The following USP47 variants were observed in gnomAD, a reference collection of about 807,000 sequenced individuals.
USP47 encodes ubiquitin specific peptidase 47.
Under a neutral mutation model 165.1 loss-of-function variants are expected in USP47, and 35 were observed. The observed-to-expected ratio is 0.21, with a 90% CI of 0.16 to 0.28. USP47 has a LOEUF of 0.28. Ranked by LOEUF, USP47 falls within the 10% of genes least tolerant of loss-of-function variation. USP47 has a pLI of 1.00. For missense variants in USP47, 1,277 were observed against 1,607.4 expected, an observed-to-expected ratio of 0.79 and a Z score of 3.52; for synonymous variants, 531 against 544.5, an observed-to-expected ratio of 0.98 and a Z score of 0.35.
chr11:11,917,886 A>C (rs1334008247), intron 8 of USP47, among the ~76,000 whole-genome samples: 1 of 152,180 alleles, frequency 6.6e-6, no homozygotes, highest in East Asian at 1.9e-4. Context: ...AAAGATTTTC[A>C]AGTTGGTTCA....
Position 11,920,200 on chromosome 11 carries a change from C to A in USP47, c.1014C>A (p.Gly338=). 1.9e-6 allele frequency: 3 copies of A among 1,608,826 alleles called. No individual in the cohort carries two copies. The highest frequency in any genetic ancestry group is 2.5e-6 in the Non-Finnish European group (3 of 1,177,204). ...HAFIQPEILD[G]PNQYFCERCK... Reference sequence around the variant, plus strand: ...TTATTCAGCCAGAGATTCTGGATGGCCCAAATCAGTATTTTTGTGAACGTT... The same window carrying A: ...TTATTCAGCCAGAGATTCTGGATGGACCAAATCAGTATTTTTGTGAACGTT... The change falls in exon 9 of 28, where the codon GGC becomes GGA. Residue 338 remains glycine (G), a synonymous_variant. Coordinates refer to ENST00000527733, the MANE Select transcript of USP47 (RefSeq NM_001282659.2).
At chr11:11,909,164 A>T (rs773097305) in intron 8 of USP47, among the ~76,000 whole-genome samples, 4 of 152,124 alleles carry the variant, frequency 2.6e-5, no homozygotes, top group Non-Finnish European at 5.9e-5. Flanking sequence ...TGTCCTTGGG[A>T]TGTTGAGAGG....
chr11:11,884,081 A>G (rs1402008579), intron 2 of USP47, among the ~76,000 whole-genome samples: 1 of 152,174 alleles, frequency 6.6e-6, no homozygotes, highest in Non-Finnish European at 1.5e-5. Context: ...GTTTTTAGTT[A>G]TGTAAAATTA....
intron 1 of USP47, among the ~76,000 whole-genome samples, chr11:11,861,550 TTGAG>T (rs956415431): frequency 1.2e-4 from 18 of 152,204 alleles, no homozygotes; most frequent in Admixed American, 3.3e-4. Context: ...TATTAATTGA[TTGAG>T]TACTTGATGT....
chr11:11,935,708 G>A (rs183482656), intron 16 of USP47, among the ~76,000 whole-genome samples: 1 of 151,860 alleles, frequency 6.6e-6, no homozygotes, highest in Non-Finnish European at 1.5e-5. Flanking sequence ...TGCAACCAGG[G>A]TATGTCATCT....
chr11:11,880,708 A>G (rs1057437571), intron 2 of USP47, among the ~76,000 whole-genome samples: 2 of 152,162 alleles, frequency 1.3e-5, no homozygotes, highest in African/African-American at 4.8e-5. Context: ...TATTCCGTGA[A>G]AAAAGATTGT....
At chr11:11,912,317 G>C (rs998257082) in intron 8 of USP47, among the ~76,000 whole-genome samples, 2 of 151,896 alleles carry the variant, frequency 1.3e-5, no homozygotes, top group African/African-American at 4.8e-5. Context: ...TTGACAAATA[G>C]CAAGACTGAC....
intron 22 of USP47, chr11:11,948,764 C>A: frequency 2.2e-6 from 1 of 457,628 alleles, no homozygotes; most frequent in Non-Finnish European, 3.9e-6. Context: ...CAATAATAAG[C>A]CAATGAGATG....
At chr11:11,889,489 T>G (rs1851375788) in intron 3 of USP47, among the ~76,000 whole-genome samples, 1 of 152,014 alleles carries the variant, frequency 6.6e-6, no homozygotes. Flanking sequence ...TACCCAGGAA[T>G]ACAGCTAACA....
At chr11:11,915,209 C>T (rs556451947) in intron 8 of USP47, among the ~76,000 whole-genome samples, 4 of 152,118 alleles carry the variant, frequency 2.6e-5, no homozygotes, top group African/African-American at 9.6e-5. Flanking sequence ...GGAATTATTC[C>T]GAGTGAAAAA....
At chr11:11,946,909 A>G (rs962286825) in intron 20 of USP47, among the ~76,000 whole-genome samples, 4 of 152,176 alleles carry the variant, frequency 2.6e-5, no homozygotes, top group African/African-American at 9.6e-5. Flanking sequence ...AATTTATTTG[A>G]CAAGTCATCT....
At chr11:11,953,114 T>C (rs1382804499) in intron 25 of USP47, among the ~76,000 whole-genome samples, 1 of 152,172 alleles carries the variant, frequency 6.6e-6, no homozygotes, top group Non-Finnish European at 1.5e-5. Flanking sequence ...CATTCAGAAG[T>C]GGATCCTCAC....
chr11:11,949,852 T>C (rs1176162273), intron 22 of USP47, 37 bp from the exon 23 acceptor site: 3 of 1,390,292 alleles, frequency 2.2e-6, no homozygotes, highest in African/African-American at 1.4e-5. Context: ...ACTTAAGGTA[T>C]AATTCAAGCT....
chr11:11,876,757 C>T (rs907913991), intron 1 of USP47, among the ~76,000 whole-genome samples: 16 of 152,186 alleles, frequency 1.1e-4, no homozygotes, highest in Non-Finnish European at 2.4e-4. Context: ...GGATTTCTTA[C>T]ATGGTGGCTG....
chr11:11,871,518 AAAAAAAAAAAAAAAAAAAAAG>A (rs1269202466), intron 1 of USP47, among the ~76,000 whole-genome samples: 1 of 82,674 alleles, frequency 1.2e-5, no homozygotes, highest in Non-Finnish European at 2.6e-5. Flanking sequence ...AAAAAAAAAA[AAAAAAAAAAAAAAAAAAAAAG>A]AATTCTGGTT....
intron 3 of USP47, 134 bp from the exon 4 acceptor site, chr11:11,891,834 T>A: frequency 2.7e-6 from 3 of 1,113,124 alleles, no homozygotes; most frequent in Non-Finnish European, 3.7e-6. Context: ...AGTAACACTT[T>A]GGAAGGGGGC....
chr11:11,877,786 TC>T (rs1850535360), intron 1 of USP47, among the ~76,000 whole-genome samples: 5 of 130,112 alleles, frequency 3.8e-5, no homozygotes, highest in African/African-American at 1.6e-4. Context: ...TCTCTCTCTC[TC>T]TTTCTCTCTC....
intron 11 of USP47, among the ~76,000 whole-genome samples, chr11:11,928,591 T>G (rs1288307012): frequency 6.6e-6 from 1 of 152,076 alleles, no homozygotes; most frequent in Non-Finnish European, 1.5e-5. Flanking sequence ...AATCTTCTGA[T>G]GTCAAATTGC....
At position 11,918,215 on chromosome 11, in the gene USP47, A is replaced by G. The variant is rs75573016; in HGVS notation, c.970-1941A>G. On this transcript the variant is annotated intron_variant, in intron 8 of 27. Transcript: ENST00000527733. Reference sequence around the variant, plus strand: ...GAATGTATAAATCTAATAATGAAGAACATCAGACAAACCCAAATTGCAGAA... The same window carrying G: ...GAATGTATAAATCTAATAATGAAGAGCATCAGACAAACCCAAATTGCAGAA... Among the ~76,000 whole-genome samples, 1,339 of 152,234 alleles carry G rather than the reference A, an allele frequency of 8.8e-3. 17 individuals are homozygous for G. Among genetic ancestry groups the G allele is most frequent in the South Asian group, 0.025 (119 of 4,826 alleles).
Sources: gnomAD v4.1 joint callset for allele counts (sites outside exome capture counted in the v4.1 genomes callset) on GRCh38, gnomAD v4.1.1 for gene constraint, MANE v1.5 for transcripts, NCBI Gene and HGNC (gene_info 2026-07-23, HGNC 2026-07-21) for gene names.